TPST2: variants seen among roughly 807,000 people sequenced by gnomAD.
TPST2 encodes the protein tyrosylprotein sulfotransferase 2.
TPST2 carries 16 observed loss-of-function variants against 27.8 expected under a neutral mutation model. The ratio of observed to expected loss-of-function variants is 0.58; its 90% CI spans 0.39 to 0.88. The LOEUF is 0.88. TPST2 is among the 40% of genes least tolerant of loss of function. The probability of loss-of-function intolerance (pLI) is 0.00; values close to 1 mark genes in which losing one functional copy is unlikely to be tolerated. For synonymous variants in TPST2, 229 were observed against 231.7 expected, an observed-to-expected ratio of 0.99 and a Z score of 0.10; for missense variants, 464 against 543.1, an observed-to-expected ratio of 0.85 and a Z score of 1.45.
intron 6 of TPST2, 88 bp downstream of exon 6, chr22:26,528,126 T>C (rs1481271418): frequency 6.7e-7 from 1 of 1,491,520 alleles, no homozygotes; most frequent in African/African-American, 1.4e-5. Context: ...AGGGAGGCTC[T>C]GGAAGGACAG....
At chr22:26,537,290 A>G (rs1925522685) in intron 3 of TPST2, among the ~76,000 whole-genome samples, 1 of 152,228 alleles carries the variant, frequency 6.6e-6, no homozygotes, top group South Asian at 2.1e-4. Context: ...TTCAGACGCC[A>G]GCTGTTCCCC....
At chr22:26,556,503 GCACCCTAGC>G (rs1209781816) in intron 1 of TPST2, among the ~76,000 whole-genome samples, 1 of 152,170 alleles carries the variant, frequency 6.6e-6, no homozygotes, top group African/African-American at 2.4e-5. Flanking sequence ...TCGCGTCATT[GCACCCTAGC>G]CTGGGCGACA....
In TPST2 at chr22:26,544,677, T is replaced by C; in HGVS notation, c.-160-2A>G. 1.0e-6 allele frequency: 1 copy of C among 985,940 alleles called. No homozygotes were observed. Among genetic ancestry groups the C allele is most frequent in the Non-Finnish European group, 1.2e-6 (1 of 830,014 alleles). 61.1% of individuals were successfully genotyped at this position (985,940 alleles called of 1,614,324 possible). On this transcript the variant is annotated splice_acceptor_variant, in intron 1 of 6. Transcript: ENST00000338754. LOFTEE classifies it low-confidence loss of function (5UTR_SPLICE). ...CCAAGGCTGTCTGCTGGCAGAGCCC[T>C]GGAGAGGCAAAGGAGATATTGCATC... is the stretch of plus-strand genomic sequence containing the variant.
At chr22:26,544,164 A>C (rs1332105827) in intron 2 of TPST2, among the ~76,000 whole-genome samples, 1 of 152,214 alleles carries the variant, frequency 6.6e-6, no homozygotes, top group East Asian at 1.9e-4. Context: ...TCTTCTCCAA[A>C]AAAGGAATAA....
At position 26,541,437 on chromosome 22, in the gene TPST2, C is replaced by A; in HGVS notation, c.194G>T (p.Gly65Val). ...CACGAAGATGAGCGGCATGGCCTTG[C>A]CATAGCGGTATTCCACGTGGTTGGT... ...VGTNHVEYRYGKAMPLIFVGG... is the reference protein window; with the variant it reads ...VGTNHVEYRYVKAMPLIFVGG... The change falls in exon 3 of 7, where the codon GGC becomes GTC. Residue 65 changes from glycine to valine, a missense_variant. Gly to Val is a moderately radical substitution (Grantham distance 109). Coordinates refer to ENST00000338754, the MANE Select transcript of TPST2 (RefSeq NM_003595.5). This position sits in a 1 kb window ranked among gnomAD's most constrained non-coding sequence, Gnocchi z 5.9. The A allele has an allele frequency of 1.9e-6, 3 of 1,597,410 alleles. No individual in the cohort carries two copies. The highest frequency in any genetic ancestry group is 2.3e-5 in the South Asian group (2 of 88,244).
At chr22:26,542,471 C>A (rs1000757369) in intron 2 of TPST2, among the ~76,000 whole-genome samples, 2 of 152,208 alleles carry the variant, frequency 1.3e-5, no homozygotes, top group Admixed American at 6.5e-5. Flanking sequence ...GTTACCCCAT[C>A]TGGCCCAAGA....
chr22:26,585,827 G>A (rs1439038321), intron 1 of TPST2, among the ~76,000 whole-genome samples: 1 of 152,104 alleles, frequency 6.6e-6, no homozygotes, highest in Non-Finnish European at 1.5e-5. Flanking sequence ...GAGGCGGGCG[G>A]ATCACAAGGT....
chr22:26,544,510 C>CA (rs1457599566), intron 2 of TPST2, 94 bp downstream of exon 2: 6 of 700,218 alleles, frequency 8.6e-6, no homozygotes, highest in Non-Finnish European at 8.8e-6. Context: ...CCCAGGCACC[C>CA]AATCATGGAG....
chr22:26,542,044 C>G (rs547602279), intron 2 of TPST2, among the ~76,000 whole-genome samples: 1 of 151,420 alleles, frequency 6.6e-6, no homozygotes, highest in East Asian at 2.0e-4. Flanking sequence ...GAGATCGAGA[C>G]CATCCTGGCT....
rs143379179 is a variant in TPST2, at chr22:26,562,375, C to T, written c.-160-17700G>A. On this transcript the variant is annotated intron_variant, in intron 1 of 6. Coordinates refer to ENST00000338754, the MANE Select transcript of TPST2 (RefSeq NM_003595.5). ...ACCATGAGCCAGACACTGTGCTGAA[C>T]GTTCCAGGTGTGTAACTTCACTAAA... 2.9e-3 allele frequency among the ~76,000 whole-genome samples: 436 copies of T among 152,286 alleles called. 2 individuals are homozygous for T. Among genetic ancestry groups the T allele is most frequent in the African/African-American group, 9.8e-3 (406 of 41,540 alleles).
intron 1 of TPST2, among the ~76,000 whole-genome samples, chr22:26,566,525 C>T (rs540729241): frequency 6.6e-6 from 1 of 151,636 alleles, no homozygotes; most frequent in East Asian, 1.9e-4. Flanking sequence ...TGAACTCCAA[C>T]TTGGTGACAG....
intron 1 of TPST2, among the ~76,000 whole-genome samples, chr22:26,576,892 T>C (rs573267626): frequency 3.5e-4 from 53 of 151,388 alleles, no homozygotes; most frequent in South Asian, 8.3e-4. Flanking sequence ...GTCAGGAGAT[T>C]GAGACCATCC....
chr22:26,579,854 C>T (rs1602305059), intron 1 of TPST2, among the ~76,000 whole-genome samples: 1 of 118,044 alleles, frequency 8.5e-6, no homozygotes, highest in South Asian at 2.9e-4. Context: ...AGAGGAGAGG[C>T]AAAGATGGGA....
At chr22:26,569,620 G>C (rs1264957989) in intron 1 of TPST2, among the ~76,000 whole-genome samples, 1 of 151,836 alleles carries the variant, frequency 6.6e-6, no homozygotes, top group Non-Finnish European at 1.5e-5. Flanking sequence ...CTGCACTCCA[G>C]CCTGGGCAAC....
intron 1 of TPST2, among the ~76,000 whole-genome samples, chr22:26,554,331 G>A (rs191880738): frequency 2.0e-5 from 3 of 152,268 alleles, no homozygotes; most frequent in Admixed American, 2.0e-4. Flanking sequence ...CACAGCCCCT[G>A]CTCAGGACTT....
At position 26,530,397 on chromosome 22, in the gene TPST2, A is replaced by G. The variant is rs73880121; in HGVS notation, c.1093-2135T>C. Among the ~76,000 whole-genome samples, 371 of 152,224 alleles carry G rather than the reference A, an allele frequency of 2.4e-3. 2 individuals carry two copies. The highest frequency in any genetic ancestry group is 7.0e-3 in the African/African-American group (289 of 41,536). The stretch of plus-strand genomic sequence containing the variant: ...TACAGATATTCTGTGGAGTGCATGT[A>G]CCACCGTTTACTGACTGCTTACCTA... On this transcript the variant is annotated intron_variant, in intron 5 of 6. Coordinates refer to ENST00000338754, the MANE Select transcript of TPST2 (RefSeq NM_003595.5).
At chr22:26,549,562 C>G (rs750274906) in intron 1 of TPST2, among the ~76,000 whole-genome samples, 1 of 145,814 alleles carries the variant, frequency 6.9e-6, no homozygotes, top group Non-Finnish European at 1.5e-5. Flanking sequence ...GAGGCTGAGG[C>G]AGAGGAATCG....
Position 26,522,841 on chromosome 22 carries a change from A to T in TPST2, c.*3434T>A, listed in dbSNP as rs1425792372. On this transcript the variant is annotated 3_prime_UTR_variant, in exon 7 of 7. Transcript: ENST00000338754. ...ACGCCTGTAAACCCAACTCTTTGAG[A>T]GGCTGAGGAAGGATTGCTTGAGCCC... The T allele has an allele frequency of 1.3e-5, 2 of 152,452 alleles. No individual in the cohort carries two copies. Among genetic ancestry groups the T allele is most frequent in the Non-Finnish European group, 2.9e-5 (2 of 68,232 alleles). The allele number at this position is 152,452 out of a possible 1,614,324, so 9.4% of individuals were successfully genotyped here.
Position 26,544,364 on chromosome 22 carries a change from C to T in TPST2, c.-89+240G>A, listed in dbSNP as rs117573645. ...GGACTCAGCCTTCTCTCTCCTATCA[C>T]CTGGAGAATCGTCTTCCTAATAGAC... On this transcript the variant is annotated intron_variant, in intron 2 of 6. Coordinates refer to ENST00000338754, the MANE Select transcript of TPST2 (RefSeq NM_003595.5). Among the ~76,000 whole-genome samples the T allele has an allele frequency of 4.4e-3, 663 of 152,302 alleles. 2 individuals are homozygous for T. Among genetic ancestry groups the T allele is most frequent in the Non-Finnish European group, 7.1e-3 (480 of 68,032 alleles).
Sources: allele counts gnomAD v4.1 joint callset (sites outside exome capture counted in the v4.1 genomes callset), GRCh38; gene constraint gnomAD v4.1.1; non-coding constraint Gnocchi (gnomAD v3.1); transcripts MANE v1.5; gene names NCBI Gene and HGNC (gene_info 2026-07-23, HGNC 2026-07-21).